ITPRID1: variants seen among roughly 807,000 people sequenced by gnomAD.
ITPRID1 encodes the protein protein ITPRID1.
ITPRID1 carries 96 observed loss-of-function variants against 95.4 expected under a neutral mutation model. The ratio of observed to expected loss-of-function variants is 1.01; its 90% CI spans 0.85 to 1.19. ITPRID1 has a LOEUF of 1.19. Ranked by LOEUF, ITPRID1 falls within the 50% of genes most tolerant of loss-of-function variation. The pLI, the probability that ITPRID1 is intolerant of heterozygous loss-of-function variation, is 0.00. For synonymous variants in ITPRID1, 510 were observed against 453.6 expected, an observed-to-expected ratio of 1.12 and a Z score of -1.58; for missense variants, 1,339 against 1,252.9, an observed-to-expected ratio of 1.07 and a Z score of -1.04.
intron 10 of ITPRID1, among the ~76,000 whole-genome samples, chr7:31,615,022 G>GTAAT (rs934350998): frequency 1.6e-4 from 24 of 152,274 alleles, no homozygotes; most frequent in African/African-American, 5.1e-4. Context: ...CCTTGAGAAT[G>GTAAT]TAATTTAGTT....
chr7:31,652,882 G>A lies in ITPRID1; in HGVS notation c.*53G>A, dbSNP rs143478742. The A allele has an allele frequency of 5.1e-5, 79 of 1,563,514 alleles. No individual in the cohort carries two copies. The African/African-American group carries it at 8.6e-4, about 17-fold the overall frequency. ...CAAAATATAAAGGCCCAGAACAGAT[G>A]TAGCAAGGAAATTTCAATTTTCCCC... On this transcript the variant is annotated 3_prime_UTR_variant, in exon 15 of 15. Transcript: ENST00000615280.
At chr7:31,564,499 G>A (rs1422001118) in intron 5 of ITPRID1, among the ~76,000 whole-genome samples, 2 of 152,094 alleles carry the variant, frequency 1.3e-5, no homozygotes, top group East Asian at 3.9e-4. Flanking sequence ...GGAAAAAATA[G>A]AGAAAATATC....
intron 10 of ITPRID1, among the ~76,000 whole-genome samples, chr7:31,599,040 A>T (rs1786228967): frequency 6.6e-6 from 1 of 152,304 alleles, no homozygotes; most frequent in South Asian, 2.1e-4. Context: ...AGATCCCTTA[A>T]CCCAGCCATT....
chr7:31,634,209 C>G (rs1033457164), intron 10 of ITPRID1, among the ~76,000 whole-genome samples: 1 of 152,086 alleles, frequency 6.6e-6, no homozygotes, highest in South Asian at 2.1e-4. Flanking sequence ...AGCAGGGTCC[C>G]CCTAATTGGG....
chr7:31,519,250 G>A (rs1783140973), intron 1 of ITPRID1, among the ~76,000 whole-genome samples: 1 of 152,148 alleles, frequency 6.6e-6, no homozygotes, highest in South Asian at 2.1e-4. Context: ...AGAATGGTTG[G>A]TAAGGTATAA....
chr7:31,567,276 G>A (rs1784832166), intron 5 of ITPRID1, among the ~76,000 whole-genome samples: 1 of 152,060 alleles, frequency 6.6e-6, no homozygotes, highest in Admixed American at 6.6e-5. Context: ...GTTTTATTAT[G>A]AGCATTTATA....
At chr7:31,620,155 C>A (rs1352132143) in intron 10 of ITPRID1, among the ~76,000 whole-genome samples, 2 of 152,174 alleles carry the variant, frequency 1.3e-5, no homozygotes, top group African/African-American at 4.8e-5. Context: ...CTGCCTGCCT[C>A]TGCAGGCTCC....
chr7:31,546,962 G>A (rs1784117877), intron 1 of ITPRID1, among the ~76,000 whole-genome samples: 1 of 152,066 alleles, frequency 6.6e-6, no homozygotes, highest in Non-Finnish European at 1.5e-5. Flanking sequence ...AAAAAAGCTT[G>A]AGGAAAAAAG....
intron 1 of ITPRID1, among the ~76,000 whole-genome samples, chr7:31,540,521 A>G (rs1230869431): frequency 1.3e-5 from 2 of 152,186 alleles, no homozygotes; most frequent in East Asian, 3.9e-4. Flanking sequence ...TTGAAACACA[A>G]TTTTCTCTCT....
chr7:31,585,815 A>G (rs550632154), intron 10 of ITPRID1, among the ~76,000 whole-genome samples: 1 of 152,340 alleles, frequency 6.6e-6, no homozygotes, highest in Non-Finnish European at 1.5e-5. Context: ...AAGAATGATT[A>G]CAAAGAAGCA....
intron 10 of ITPRID1, among the ~76,000 whole-genome samples, chr7:31,591,488 C>T (rs983706849): frequency 9.9e-5 from 15 of 152,168 alleles, no homozygotes; most frequent in African/African-American, 3.4e-4. Flanking sequence ...ATTAGCAAAC[C>T]GAGTATTTTG....
chr7:31,583,314 A>G, intron 10 of ITPRID1, 123 bp downstream of exon 10: 1 of 629,038 alleles, frequency 1.6e-6, no homozygotes, highest in Non-Finnish European at 2.7e-6. Context: ...AAATTCATGC[A>G]TCTTCTGAGA....
chr7:31,566,928 G>C (rs1160239943), intron 5 of ITPRID1, among the ~76,000 whole-genome samples: 1 of 152,212 alleles, frequency 6.6e-6, no homozygotes, highest in African/African-American at 2.4e-5. Context: ...CCTCACGGGT[G>C]AGGGAAGAGC....
intron 10 of ITPRID1, among the ~76,000 whole-genome samples, chr7:31,609,109 AC>A (rs1385449797): frequency 6.6e-6 from 1 of 151,540 alleles, no homozygotes; most frequent in African/African-American, 2.4e-5. Context: ...TATTCTTTTA[AC>A]ATTGTGTATT....
intron 13 of ITPRID1, 36 bp from the exon 14 acceptor site, chr7:31,651,903 T>G (rs929810443): frequency 6.2e-6 from 9 of 1,449,164 alleles, no homozygotes; most frequent in Non-Finnish European, 7.6e-6. Flanking sequence ...TGGGAAGGAT[T>G]GTTAAATTTG....
chr7:31,574,010 T>G (rs943087651), intron 7 of ITPRID1, among the ~76,000 whole-genome samples: 1 of 152,126 alleles, frequency 6.6e-6, no homozygotes, highest in Admixed American at 6.6e-5. Context: ...GAACACATTT[T>G]AATTCTACCT....
At chr7:31,588,453 A>C (rs1785716067) in intron 10 of ITPRID1, among the ~76,000 whole-genome samples, 1 of 151,684 alleles carries the variant, frequency 6.6e-6, no homozygotes, top group African/African-American at 2.4e-5. Context: ...CAATACGGTG[A>C]AACTCTGTCT....
At chr7:31,636,118 T>G (rs2128201483) in intron 10 of ITPRID1, among the ~76,000 whole-genome samples, 1 of 152,150 alleles carries the variant, frequency 6.6e-6, no homozygotes, top group Admixed American at 6.5e-5. Flanking sequence ...GAGAACTCAC[T>G]CACTGTCACA....
At chr7:31,616,043 G>T (rs943858699) in intron 10 of ITPRID1, among the ~76,000 whole-genome samples, 5 of 152,008 alleles carry the variant, frequency 3.3e-5, no homozygotes, top group African/African-American at 9.7e-5. Context: ...GCACCCAGCC[G>T]AGTTTACTGA....
Sources: gnomAD v4.1 joint callset for allele counts (sites outside exome capture counted in the v4.1 genomes callset) on GRCh38, gnomAD v4.1.1 for gene constraint, MANE v1.5 for transcripts, NCBI Gene and HGNC (gene_info 2026-07-23, HGNC 2026-07-21) for gene names.